The following WDR33 variants were observed in gnomAD, a reference collection of about 807,000 sequenced individuals.
WDR33 encodes WD repeat domain 33, also known as pre-mRNA 3' end processing protein WDR33.
In WDR33, 47 loss-of-function variants were observed where a neutral mutation model predicts 164.9. The observed-to-expected ratio is 0.29, with a 90% CI of 0.23 to 0.36. The LOEUF (loss-of-function observed/expected upper bound fraction) is 0.36, where lower values mean the gene tolerates loss of function less well. Among genes scored for constraint, WDR33 ranks in the 10% least tolerant of loss-of-function variants. WDR33 has a pLI of 1.00. For missense variants in WDR33, 1,137 were observed against 1,754.1 expected (o/e 0.65, Z 6.28); for synonymous variants, 505 against 589.0 (o/e 0.86, Z 2.06).
At chr2:127,802,205 ATT>A (rs994069846) in intron 1 of WDR33, among the ~76,000 whole-genome samples, 2 of 152,068 alleles carry the variant, frequency 1.3e-5, no homozygotes, top group African/African-American at 4.8e-5. Context: ...TTTGCTATGC[ATT>A]TATCACAATT....
Position 127,701,907 on chromosome 2 carries a change from C to T in WDR33, c.*4416G>A. On this transcript the variant is annotated 3_prime_UTR_variant, in exon 22 of 22. Transcript: ENST00000322313. ...GGCGTTGGCGGGAAGCGCGCTGCTG[C>T]GGGGCGGCGCGGCGTGCGGACGCCT... 1.4e-6 allele frequency: 2 copies of T among 1,449,322 alleles called. No homozygotes were observed. The highest frequency in any genetic ancestry group is 2.6e-5 in the South Asian group (2 of 76,034). 89.8% of individuals were successfully genotyped at this position (1,449,322 alleles called of 1,614,324 possible).
chr2:127,804,064 G>A (rs942278293), intron 1 of WDR33, among the ~76,000 whole-genome samples: 5 of 151,974 alleles, frequency 3.3e-5, no homozygotes, highest in Non-Finnish European at 7.4e-5. Context: ...GCTCACACCC[G>A]TAATCCCAGC....
At chr2:127,728,576 A>C (rs1686624867) in intron 7 of WDR33, among the ~76,000 whole-genome samples, 1 of 152,228 alleles carries the variant, frequency 6.6e-6, no homozygotes, top group Non-Finnish European at 1.5e-5. Context: ...TCTTTTAAAA[A>C]GAAAAATAAC....
intron 1 of WDR33, among the ~76,000 whole-genome samples, chr2:127,808,747 T>C (rs1199690386): frequency 1.3e-5 from 2 of 151,754 alleles, no homozygotes; most frequent in Admixed American, 6.6e-5. Context: ...AATACAAAAA[T>C]TGGCCAGGTG....
rs373845660 is a variant in WDR33 at position 127,706,316 on chromosome 2, C to T, written c.*7G>A. On this transcript the variant is annotated 3_prime_UTR_variant, in exon 22 of 22. Coordinates refer to ENST00000322313, the MANE Select transcript of WDR33 (RefSeq NM_018383.5). The surrounding 1 kb of genome is among the most constrained non-coding windows in gnomAD (Gnocchi z 5.1). ...CAGAGAGGCCTCAGGGTACTCAGTT[C>T]CAGCTTCTACCGACCCCTTCCACCA... The T allele has an allele frequency of 6.5e-7, 1 of 1,547,118 alleles. No individual in the cohort carries two copies. Among genetic ancestry groups the T allele is most frequent in the Non-Finnish European group, 8.7e-7 (1 of 1,149,456 alleles).
At chr2:127,782,236 GTC>G (rs1688398039) in intron 1 of WDR33, among the ~76,000 whole-genome samples, 1 of 151,852 alleles carries the variant, frequency 6.6e-6, no homozygotes, top group South Asian at 2.1e-4. Flanking sequence ...GTGACACCCT[GTC>G]TCTACTAAAA....
intron 1 of WDR33, among the ~76,000 whole-genome samples, chr2:127,794,267 A>T (rs1688946410): frequency 6.6e-6 from 1 of 152,108 alleles, no homozygotes; most frequent in Non-Finnish European, 1.5e-5. Context: ...TGGGAGGCAG[A>T]GGCAGGTGGA....
chr2:127,774,383 A>G (rs1688113797), intron 1 of WDR33, among the ~76,000 whole-genome samples: 1 of 152,108 alleles, frequency 6.6e-6, no homozygotes, highest in African/African-American at 2.4e-5. Flanking sequence ...TGACTTCCAA[A>G]TCAAATACCT....
intron 1 of WDR33, among the ~76,000 whole-genome samples, chr2:127,803,440 C>T (rs892234520): frequency 2.6e-5 from 4 of 151,962 alleles, no homozygotes; most frequent in East Asian, 1.9e-4. Flanking sequence ...ATTAGCCAGA[C>T]GCCTGTAATC....
chr2:127,749,940 A>G (rs1687269468), intron 7 of WDR33, among the ~76,000 whole-genome samples: 1 of 150,514 alleles, frequency 6.6e-6, no homozygotes, highest in Admixed American at 6.6e-5. Context: ...GGTTCACACC[A>G]TTCTCTCACA....
intron 1 of WDR33, among the ~76,000 whole-genome samples, chr2:127,779,215 C>T (rs1174666038): frequency 6.6e-6 from 1 of 150,644 alleles, no homozygotes; most frequent in Non-Finnish European, 1.5e-5. Context: ...TGCCTGTAAT[C>T]CTAGCACTTT....
chr2:127,742,259 G>T (rs1410027830), intron 7 of WDR33, among the ~76,000 whole-genome samples: 1 of 151,976 alleles, frequency 6.6e-6, no homozygotes, highest in Non-Finnish European at 1.5e-5. Flanking sequence ...TGGGCACAGT[G>T]GCTCAAGTCT....
At position 127,720,975 on chromosome 2, in the gene WDR33, G is replaced by A. The variant is rs1208595726; in HGVS notation, c.1672-622C>T. Among the ~76,000 whole-genome samples, 1 of 152,170 alleles carries A rather than the reference G, an allele frequency of 6.6e-6. No homozygotes were observed. Among genetic ancestry groups the A allele is most frequent in the African/African-American group, 2.4e-5 (1 of 41,448 alleles). Reference sequence around the variant, plus strand: ...AATAAGAACAAGCTACCTGCTATATGAGCAGACAAAAAGGAAAAACTCTTT... The same window carrying A: ...AATAAGAACAAGCTACCTGCTATATAAGCAGACAAAAAGGAAAAACTCTTT... On this transcript the variant is annotated intron_variant, in intron 15 of 21. Coordinates refer to ENST00000322313, the MANE Select transcript of WDR33 (RefSeq NM_018383.5). This position sits in a 1 kb window ranked among gnomAD's most constrained non-coding sequence, Gnocchi z 5.9.
At chr2:127,792,748 T>G (rs1342098903) in intron 1 of WDR33, among the ~76,000 whole-genome samples, 3 of 152,138 alleles carry the variant, frequency 2.0e-5, no homozygotes, top group Non-Finnish European at 4.4e-5. Context: ...TCACAAACTT[T>G]CCAAATTTGA....
At position 127,709,830 on chromosome 2, in the gene WDR33, T is replaced by C; in HGVS notation, c.3335A>G (p.His1112Arg). 8 of 1,614,222 alleles carry C rather than the reference T, an allele frequency of 5.0e-6. No homozygotes were observed. Among genetic ancestry groups the C allele is most frequent in the Non-Finnish European group, 6.8e-6 (8 of 1,180,046 alleles). Residue 1112 changes from histidine to arginine, a missense_variant, in exon 19 of 22, where the codon CAT becomes CGT. By Grantham distance (29) the His-to-Arg change is conservative. Coordinates refer to ENST00000322313, the MANE Select transcript of WDR33 (RefSeq NM_018383.5). The surrounding 1 kb of genome is among the most constrained non-coding windows in gnomAD (Gnocchi z 5.0). ...TCCTCTGGGGGGAGCACGGCCCTCA[T>C]GCCTCGGCGGGGCTCCTCTTCTGAA... ...ESFRRGAPPR[H>R]EGRAPPRGRD...
Position 127,716,409 on chromosome 2 carries a change from A to G in WDR33, c.2869+746T>C, listed in dbSNP as rs1686301878. Among the ~76,000 whole-genome samples, 2 of 152,168 alleles carry G rather than the reference A, an allele frequency of 1.3e-5. No homozygotes were observed. The highest frequency in any genetic ancestry group is 1.3e-4 in the Admixed American group (2 of 15,280). Reference sequence around the variant, plus strand: ...CTCCGAGTTGTGGTTTCTCCCCGTTATGAAAGTGTGTGTCGAACATAACAC... The same window carrying G: ...CTCCGAGTTGTGGTTTCTCCCCGTTGTGAAAGTGTGTGTCGAACATAACAC... On this transcript the variant is annotated intron_variant, in intron 17 of 21. Transcript: ENST00000322313. This position sits in a 1 kb window ranked among gnomAD's most constrained non-coding sequence, Gnocchi z 4.5.
At chr2:127,788,392 T>C (rs1688690421) in intron 1 of WDR33, among the ~76,000 whole-genome samples, 1 of 110,542 alleles carries the variant, frequency 9.0e-6, no homozygotes, top group Admixed American at 8.7e-5. Context: ...GCTCCTCACC[T>C]CCCGGACGGG....
chr2:127,754,321 A>G (rs1687456036), intron 7 of WDR33, among the ~76,000 whole-genome samples: 1 of 152,206 alleles, frequency 6.6e-6, no homozygotes, highest in South Asian at 2.1e-4. Context: ...TGAAAAGGAA[A>G]TGCTTTCTAT....
At chr2:127,733,136 T>C (rs1485398120) in intron 7 of WDR33, among the ~76,000 whole-genome samples, 1 of 152,206 alleles carries the variant, frequency 6.6e-6, no homozygotes, top group Non-Finnish European at 1.5e-5. Context: ...TACTGAAAAT[T>C]TCTTGCTGAT....
Sources: gnomAD v4.1 joint callset for allele counts (sites outside exome capture counted in the v4.1 genomes callset) on GRCh38, gnomAD v4.1.1 for gene constraint, Gnocchi (gnomAD v3.1) non-coding constraint, MANE v1.5 for transcripts, NCBI Gene and HGNC (gene_info 2026-07-23, HGNC 2026-07-21) for gene names.